The following SENP5 variants were observed in gnomAD, a reference collection of about 807,000 sequenced individuals.
SENP5 encodes SUMO specific peptidase 5, also known as sentrin-specific protease 5.
A neutral mutation model predicts 74.2 loss-of-function variants in SENP5; 21 were observed. The ratio of observed to expected loss-of-function variants is 0.28; its 90% confidence interval spans 0.20 to 0.41. SENP5 has a LOEUF of 0.41. SENP5 is among the 10% of genes least tolerant of loss of function. The pLI is 1.00. For missense variants in SENP5, 717 were observed against 889.1 expected (o/e 0.81, Z 2.46); for synonymous variants, 311 against 312.7 (o/e 0.99, Z 0.06).
At chr3:196,894,767 T>A (rs1277534043) in intron 2 of SENP5, among the ~76,000 whole-genome samples, 1 of 152,160 alleles carries the variant, frequency 6.6e-6, no homozygotes, top group Non-Finnish European at 1.5e-5. Context: ...CTCCTTTAAT[T>A]CTTTTCAAAA....
At chr3:196,888,320 C>G (rs998146977) in intron 2 of SENP5, among the ~76,000 whole-genome samples, 1 of 152,104 alleles carries the variant, frequency 6.6e-6, no homozygotes, top group African/African-American at 2.4e-5. Context: ...CTGTGGCTCA[C>G]GCCTGTAATC....
chr3:196,900,257 A>G (rs2108836584), intron 4 of SENP5, 108 bp from the exon 5 acceptor site: 2 of 1,143,470 alleles, frequency 1.7e-6, no homozygotes, highest in East Asian at 2.5e-5. Context: ...ATTGGGATGT[A>G]CTGAATTGTA....
intron 6 of SENP5, among the ~76,000 whole-genome samples, chr3:196,912,474 A>G (rs1715174462): frequency 6.6e-6 from 1 of 152,112 alleles, no homozygotes. Context: ...TAATGCATGC[A>G]GGGCTTAAGA....
At chr3:196,875,131 C>T (rs1221091169) in intron 1 of SENP5, among the ~76,000 whole-genome samples, 4 of 152,160 alleles carry the variant, frequency 2.6e-5, no homozygotes, top group African/African-American at 4.8e-5. Flanking sequence ...TCAGTATAAC[C>T]TTCCCCTAAT....
intron 2 of SENP5, among the ~76,000 whole-genome samples, chr3:196,895,969 A>T (rs973407073): frequency 3.3e-5 from 5 of 152,158 alleles, no homozygotes; most frequent in Admixed American, 3.3e-4. Flanking sequence ...GGTCACTTTG[A>T]AATTTTAGTA....
chr3:196,885,596 G>T lies in SENP5; in HGVS notation c.415G>T (p.Ala139Ser). 6.2e-7 allele frequency: 1 copy of T among 1,614,148 alleles called. No homozygotes were observed. The highest frequency in any genetic ancestry group is 8.5e-7 in the Non-Finnish European group (1 of 1,180,042). ...EYCREKNLLK[A>S]VTDFPSNSAL... ...CTGCAGAGAGAAAAATCTCTTGAAG[G>T]CAGTTACTGACTTTCCATCAAATAG... The change falls in exon 2 of 10, where the codon GCA becomes TCA. Residue 139 changes from alanine (A) to serine (S), a missense_variant. Ala to Ser is a moderately conservative substitution (Grantham distance 99). Around this residue, in one of 4 missense-constraint regions of SENP5, gnomAD observed 567 missense variants for 577.4 expected, o/e 0.98. Coordinates refer to ENST00000323460, the MANE Select transcript of SENP5 (RefSeq NM_152699.5).
chr3:196,922,570 T>G (rs1192148239), intron 6 of SENP5, among the ~76,000 whole-genome samples: 1 of 152,124 alleles, frequency 6.6e-6, no homozygotes, highest in African/African-American at 2.4e-5. Context: ...TGCTTCAGCC[T>G]CCCAAGTAGC....
intron 1 of SENP5, among the ~76,000 whole-genome samples, chr3:196,872,009 C>G (rs1713237865): frequency 6.6e-6 from 1 of 152,194 alleles, no homozygotes; most frequent in Non-Finnish European, 1.5e-5. Context: ...CTTGGCCTCC[C>G]AAAGTGCTGG....
chr3:196,872,649 T>G (rs1713266700), intron 1 of SENP5, among the ~76,000 whole-genome samples: 1 of 152,164 alleles, frequency 6.6e-6, no homozygotes, highest in Non-Finnish European at 1.5e-5. Context: ...CCATATTGGA[T>G]AGCGGAGCTG....
intron 1 of SENP5, among the ~76,000 whole-genome samples, chr3:196,881,419 A>G (rs1713721285): frequency 6.6e-6 from 1 of 152,198 alleles, no homozygotes; most frequent in African/African-American, 2.4e-5. Context: ...CCCTCCAAAA[A>G]GATTGGATCA....
chr3:196,929,639 C>T lies in SENP5; in HGVS notation c.2113C>T (p.Pro705Ser). 1 of 1,602,804 alleles carries T rather than the reference C, an allele frequency of 6.2e-7. No individual in the cohort carries two copies. ...GWQTAVTKCI[P>S]QQKNDSDCGV... ...ATTTTGTTTTTCCCTTCAGTGTATT[C>T]CACAACAGAAAAACGACAGTGACTG... The change falls in exon 9 of 10, where the codon CCA becomes TCA. Residue 705 changes from proline (P) to serine (S), a missense_variant. By Grantham distance (74) the Pro-to-Ser change is moderately conservative. This residue lies in a region of SENP5 where 85 missense variants were observed against 188.9 expected (regional missense o/e 0.45). Transcript: ENST00000323460.
At chr3:196,902,292 T>C (rs1365970766) in intron 5 of SENP5, among the ~76,000 whole-genome samples, 1 of 152,144 alleles carries the variant, frequency 6.6e-6, no homozygotes, top group Admixed American at 6.6e-5. Flanking sequence ...ACCCAGCTAG[T>C]TTATTTTTAT....
chr3:196,900,339 G>A, intron 4 of SENP5, 26 bp from the exon 5 acceptor site: 2 of 1,589,716 alleles, frequency 1.3e-6, no homozygotes, highest in Non-Finnish European at 1.7e-6. Context: ...GAGATAGTAA[G>A]CTGGTTTTAT....
chr3:196,885,210 G>C lies in SENP5; in HGVS notation c.29G>C (p.Arg10Thr). MKKQRKILW[R>T]KGIHLAFSEK... ...AAAAAACAGAGGAAAATTCTATGGA[G>C]GAAAGGAATCCACTTAGCCTTTTCT... Residue 10 changes from arginine to threonine, a missense_variant, in exon 2 of 10, where the codon AGG becomes ACG. Arg to Thr is a moderately conservative substitution (Grantham distance 71). This residue lies in a region of SENP5 where 567 missense variants were observed against 577.4 expected (regional missense o/e 0.98). Transcript: ENST00000323460. 1 of 1,613,284 alleles carries C rather than the reference G, an allele frequency of 6.2e-7. No individual in the cohort carries two copies. Among genetic ancestry groups the C allele is most frequent in the Non-Finnish European group, 8.5e-7 (1 of 1,179,748 alleles).
In SENP5 at chr3:196,933,451, T is replaced by C. The variant is rs888447029; in HGVS notation, c.*2528T>C. On this transcript the variant is annotated 3_prime_UTR_variant, in exon 10 of 10. Coordinates refer to ENST00000323460, the MANE Select transcript of SENP5 (RefSeq NM_152699.5). The stretch of plus-strand genomic sequence containing the variant: ...TTAACTCAAGTCCTAGATTAGAATG[T>C]CCTTTGTCCTGATGTTTGCAGTAAT... 3.9e-5 allele frequency: 6 copies of C among 152,258 alleles called. No individual in the cohort carries two copies. Among genetic ancestry groups the C allele is most frequent in the Admixed American group, 3.9e-4 (6 of 15,284 alleles). 9.4% of individuals were successfully genotyped at this position (152,258 alleles called of 1,614,324 possible).
At chr3:196,899,564 TG>T in intron 2 of SENP5, 101 bp from the exon 3 acceptor site, 2 of 688,912 alleles carry the variant, frequency 2.9e-6, no homozygotes, top group Non-Finnish European at 5.2e-6. Flanking sequence ...GGTTAACCAC[TG>T]TATGTGTTAA....
intron 2 of SENP5, among the ~76,000 whole-genome samples, chr3:196,893,770 C>T (rs940005446): frequency 1.4e-4 from 21 of 151,968 alleles, no homozygotes; most frequent in African/African-American, 4.8e-4. Context: ...ATTAGCCAGG[C>T]ATGGTGGCAT....
At chr3:196,913,980 A>C (rs1011451724) in intron 6 of SENP5, 2 of 152,218 alleles carry the variant, frequency 1.3e-5, no homozygotes, top group African/African-American at 4.8e-5. Context: ...AAAAAGTTGC[A>C]TAACTTCACA....
At chr3:196,925,198 G>T (rs1373294118) in intron 7 of SENP5, among the ~76,000 whole-genome samples, 1 of 150,934 alleles carries the variant, frequency 6.6e-6, no homozygotes. Context: ...ATATTTTCTT[G>T]TATTATTTGT....
Sources: allele counts gnomAD v4.1 joint callset (sites outside exome capture counted in the v4.1 genomes callset), GRCh38; gene constraint gnomAD v4.1.1; regional missense constraint gnomAD v4.1.1; transcripts MANE v1.5; gene names NCBI Gene and HGNC (gene_info 2026-07-23, HGNC 2026-07-21).